ASTN2: variants seen among roughly 807,000 people sequenced by gnomAD.
The protein encoded by ASTN2 is astrotactin 2, also known as astrotactin-2.
ASTN2 carries 54 observed loss-of-function variants against 139.8 expected under a neutral mutation model. The ratio of observed to expected loss-of-function variants is 0.39; its 90% CI spans 0.31 to 0.48. ASTN2 has a LOEUF of 0.48. Ranked by LOEUF, ASTN2 falls within the 20% of genes least tolerant of loss-of-function variation. ASTN2 has a pLI of 0.95. For synonymous variants in ASTN2, 756 were observed against 719.5 expected (o/e 1.05, Z -0.81); for missense variants, 1,565 against 1,725.1 (o/e 0.91, Z 1.64).
At chr9:116,624,392 C>T (rs10983276) in intron 17 of ASTN2, among the ~76,000 whole-genome samples, 3,335 of 152,264 alleles carry the variant, frequency 0.022, 128 homozygotes, top group African/African-American at 0.076. Context: ...GACCAAGTCA[C>T]TAACTTCAAA....
At chr9:116,790,966 GGAAAGAAAGAAAGAAAGAAAGAAAGAAA>G (rs1180188046) in intron 13 of ASTN2, among the ~76,000 whole-genome samples, 88 of 65,866 alleles carry the variant, frequency 1.3e-3, no homozygotes, top group Middle Eastern at 8.5e-3. Context: ...AAAGAAAGAA[GGAAAGAAAGAAAGAAAGAAAGAAAGAAA>G]GAAAGAAAGA....
At chr9:116,803,495 TATATATATATATATATATATATATATA>T (rs1564275981) in intron 13 of ASTN2, among the ~76,000 whole-genome samples, 24 of 6,918 alleles carry the variant, frequency 3.5e-3, no homozygotes, top group East Asian at 0.015. Flanking sequence ...TATATATATA[TATATATATATATATATATATATATATA>T]TTTTTTTTTT....
At chr9:116,461,259 T>A (rs1226287311) in intron 20 of ASTN2, among the ~76,000 whole-genome samples, 1 of 151,776 alleles carries the variant, frequency 6.6e-6, no homozygotes, top group East Asian at 1.9e-4. Context: ...TATTTTCCAC[T>A]CCCACTTGAA....
intron 10 of ASTN2, among the ~76,000 whole-genome samples, chr9:116,945,254 C>T (rs1321641224): frequency 6.6e-6 from 1 of 152,194 alleles, no homozygotes; most frequent in Non-Finnish European, 1.5e-5. Context: ...TCTCACAAAT[C>T]ACTGGGAAGG....
rs33989865 is a variant in ASTN2, at chr9:116,656,682, CAAAA to C, written c.2807-4893_2807-4890del. Among the ~76,000 whole-genome samples, 883 of 109,852 alleles carry C rather than the reference CAAAA, an allele frequency of 8.0e-3. 8 individuals carry two copies. The highest frequency in any genetic ancestry group is 0.024 in the African/African-American group (701 of 28,816). 72.1% of individuals were successfully genotyped at this position (109,852 alleles called of 152,430 possible). ...CTGCTGGGTATTATTTTGTTGCCAC[CAAAA>C]AAAAAAAAAAAAAAAAAGCCTCAGT... is the stretch of plus-strand genomic sequence containing the variant. On this transcript the variant is annotated intron_variant, in intron 16 of 22. Transcript: ENST00000313400.
chr9:116,531,066 T>C (rs1851320069), intron 19 of ASTN2, among the ~76,000 whole-genome samples: 1 of 152,240 alleles, frequency 6.6e-6, no homozygotes, highest in Non-Finnish European at 1.5e-5. Flanking sequence ...TTACTATGTA[T>C]TAATGTAAGC....
chr9:117,227,217 C>G (rs1832743943), intron 2 of ASTN2, among the ~76,000 whole-genome samples: 1 of 152,172 alleles, frequency 6.6e-6, no homozygotes, highest in African/African-American at 2.4e-5. Flanking sequence ...TACCACAGTG[C>G]TCTTCACCTT....
chr9:116,887,105 C>T lies in ASTN2; in HGVS notation c.1890-23372G>A, dbSNP rs574716781. Among the ~76,000 whole-genome samples, 15 of 152,154 alleles carry T rather than the reference C, an allele frequency of 9.9e-5. No homozygotes were observed. The East Asian group carries it at 1.7e-3, about 18-fold the overall frequency. ...TTATTGTGAATAATGTGCTAAGTTC[C>T]TTATTTGAATATAGGGACATTATGC... is the stretch of plus-strand genomic sequence containing the variant. On this transcript the variant is annotated intron_variant, in intron 10 of 22. Transcript: ENST00000313400.
intron 1 of ASTN2, among the ~76,000 whole-genome samples, chr9:117,341,232 A>G (rs969312043): frequency 6.6e-6 from 1 of 152,178 alleles, no homozygotes; most frequent in African/African-American, 2.4e-5. Flanking sequence ...GACCCCAGAG[A>G]AAGTAAATGT....
At chr9:117,141,222 A>C (rs1830067129) in intron 4 of ASTN2, 104 bp downstream of exon 4, 1 of 1,190,072 alleles carries the variant, frequency 8.4e-7, no homozygotes, top group Non-Finnish European at 1.1e-6. Context: ...CACAAGTTTT[A>C]TGAGCACAGG....
At chr9:117,186,179 C>T (rs7044769) in intron 3 of ASTN2, among the ~76,000 whole-genome samples, 9,188 of 152,172 alleles carry the variant, frequency 0.06, 358 homozygotes, top group South Asian at 0.12. Context: ...AAATTTTATG[C>T]GTAATTATTT....
rs559705349 is a variant in ASTN2, at chr9:116,673,491, T to C, written c.2807-21698A>G. On this transcript the variant is annotated intron_variant, in intron 16 of 22. Coordinates refer to ENST00000313400, the MANE Select transcript of ASTN2 (RefSeq NM_001365068.1). ...AATATGTTGAAAGCCTAATCTCCAG[T>C]ACATTGGAATGTGACCTTATTTGCA... is the stretch of plus-strand genomic sequence containing the variant. Among the ~76,000 whole-genome samples the C allele has an allele frequency of 2.0e-5, 3 of 152,360 alleles. No homozygotes were observed. In the South Asian group the frequency reaches 6.2e-4, roughly 32 times the overall value.
intron 19 of ASTN2, among the ~76,000 whole-genome samples, chr9:116,524,297 A>T (rs1190212354): frequency 1.3e-5 from 2 of 152,192 alleles, no homozygotes; most frequent in Non-Finnish European, 2.9e-5. Flanking sequence ...GCTACGTGAA[A>T]TGTAACTCGA....
chr9:116,708,157 C>G (rs946089845), intron 16 of ASTN2, among the ~76,000 whole-genome samples: 8 of 152,076 alleles, frequency 5.3e-5, no homozygotes, highest in African/African-American at 1.4e-4. Context: ...AACCCATATA[C>G]CAGACCTATT....
At chr9:117,196,641 G>A (rs1159147864) in intron 3 of ASTN2, among the ~76,000 whole-genome samples, 1 of 152,162 alleles carries the variant, frequency 6.6e-6, no homozygotes, top group Non-Finnish European at 1.5e-5. Context: ...AACTGAGGCA[G>A]GAGAGCAGAG....
At chr9:116,710,766 AAAAG>A (rs1828134350) in intron 16 of ASTN2, among the ~76,000 whole-genome samples, 1 of 151,974 alleles carries the variant, frequency 6.6e-6, no homozygotes, top group African/African-American at 2.4e-5. Context: ...AAGAAGAGAA[AAAAG>A]AAAGAAAATT....
chr9:117,148,805 C>T (rs567169486), intron 3 of ASTN2, among the ~76,000 whole-genome samples: 2 of 152,210 alleles, frequency 1.3e-5, no homozygotes, highest in African/African-American at 4.8e-5. Context: ...ATTCTCCATA[C>T]TGTGCATGAG....
At chr9:117,263,855 G>A (rs1347119679) in intron 2 of ASTN2, among the ~76,000 whole-genome samples, 1 of 151,974 alleles carries the variant, frequency 6.6e-6, no homozygotes. Context: ...GTCCTCGGTG[G>A]GACACGTTTA....
intron 13 of ASTN2, among the ~76,000 whole-genome samples, chr9:116,799,710 G>GGGT (rs1564273646): frequency 4.8e-5 from 7 of 146,762 alleles, no homozygotes; most frequent in African/African-American, 1.8e-4. Context: ...AGAGAGTGGG[G>GGGT]GGGGGGAGAA....
Sources: gnomAD v4.1 joint callset for allele counts (sites outside exome capture counted in the v4.1 genomes callset) on GRCh38, gnomAD v4.1.1 for gene constraint, MANE v1.5 for transcripts, NCBI Gene and HGNC (gene_info 2026-07-23, HGNC 2026-07-21) for gene names.